Variants in ADA2 observed in about 807,000 individuals in gnomAD.
ADA2 encodes the protein adenosine deaminase CECR1.
Under a neutral mutation model 44.2 loss-of-function variants are expected in ADA2, and 29 were observed. The observed-to-expected ratio is 0.66, with a 90% CI of 0.49 to 0.89. The LOEUF (loss-of-function observed/expected upper bound fraction) is 0.89, where lower values mean the gene tolerates loss of function less well. Ranked by LOEUF, ADA2 falls within the 40% of genes least tolerant of loss-of-function variation. ADA2 has a pLI of 0.00. For synonymous variants in ADA2, 215 were observed against 234.9 expected, an observed-to-expected ratio of 0.92 and a Z score of 0.77; for missense variants, 637 against 644.8, an observed-to-expected ratio of 0.99 and a Z score of 0.13.
chr22:17,202,719 C>T (rs1045435541), intron 4 of ADA2, among the ~76,000 whole-genome samples: 2 of 152,110 alleles, frequency 1.3e-5, no homozygotes, highest in Admixed American at 6.6e-5. Flanking sequence ...ATCAGCCAAA[C>T]CTGGCTCCAA....
chr22:17,219,597 C>T (rs2062505848), upstream of ADA2: 1 of 146,292 alleles, frequency 6.8e-6, no homozygotes, highest in African/African-American at 2.5e-5. Context: ...ATGTGGGGGG[C>T]TTGTGCGCAT....
upstream of ADA2, chr22:17,219,659 GGGTTTGTTTTTTTTTTTT>G (rs1204530507): frequency 2.4e-5 from 3 of 123,142 alleles, no homozygotes; most frequent in African/African-American, 5.6e-5. Flanking sequence ...TGTGCATGTG[GGGTTTGTTTTTTTTTTTT>G]TTTTTTTTTT....
Position 17,211,938 on chromosome 22 carries a change from A to G in ADA2, c.-46-2215T>C, listed in dbSNP as rs532611932. ...TGAGACTCCGTCTCAAAAAAAGAGG[A>G]AAAAAAAATTAATTAATTAATTAAT... is the stretch of plus-strand genomic sequence containing the variant. On this transcript the variant is annotated intron_variant, in intron 1 of 9. Coordinates refer to ENST00000399837, the MANE Select transcript of ADA2 (RefSeq NM_001282225.2). Among the ~76,000 whole-genome samples, 7 of 151,674 alleles carry G rather than the reference A, an allele frequency of 4.6e-5. No individual in the cohort carries two copies. The South Asian group carries it at 1.3e-3, about 27-fold the overall frequency.
chr22:17,188,116 A>G (rs2062060057), intron 7 of ADA2, among the ~76,000 whole-genome samples: 1 of 151,890 alleles, frequency 6.6e-6, no homozygotes. Flanking sequence ...AGAAAACAGG[A>G]AGGAAAGAAG....
At chr22:17,210,486 G>A (rs560807190) in intron 1 of ADA2, among the ~76,000 whole-genome samples, 5 of 150,664 alleles carry the variant, frequency 3.3e-5, no homozygotes, top group East Asian at 2.0e-4. Flanking sequence ...CACCGCGCCC[G>A]GCAGGTTTTC....
At chr22:17,191,605 C>A (rs1342164869) in intron 5 of ADA2, 78 bp downstream of exon 5, 9 of 1,497,462 alleles carry the variant, frequency 6.0e-6, no homozygotes, top group Non-Finnish European at 8.2e-6. Flanking sequence ...CCGCTTCTCA[C>A]CCCTCCCCTC....
At chr22:17,188,235 G>A in intron 7 of ADA2, 104 bp downstream of exon 7, 1 of 720,920 alleles carries the variant, frequency 1.4e-6, no homozygotes, top group Non-Finnish European at 2.4e-6. Flanking sequence ...ACAGGAAAGG[G>A]CTCTGGAAAC....
rs140782682 is a variant in ADA2, at chr22:17,205,760, C to T, written c.542+1311G>A. Among the ~76,000 whole-genome samples the T allele has an allele frequency of 1.3e-3, 192 of 152,318 alleles. 1 individual carries two copies. Among genetic ancestry groups the T allele is most frequent in the African/African-American group, 4.4e-3 (185 of 41,576 alleles). The stretch of plus-strand genomic sequence containing the variant: ...TTGGGAGGCCAAGGTGAGAGGACGG[C>T]TTGAGCCGCAGAGTTCAAGACCAGC... On this transcript the variant is annotated intron_variant, in intron 3 of 9. Coordinates refer to ENST00000399837, the MANE Select transcript of ADA2 (RefSeq NM_001282225.2).
chr22:17,195,212 T>A (rs5992638), intron 4 of ADA2, among the ~76,000 whole-genome samples: 73,934 of 152,058 alleles, frequency 0.49, 18,678 homozygotes, highest in East Asian at 0.74. Flanking sequence ...GGCCTGCATC[T>A]ATCTGTGCAC....
At chr22:17,206,323 G>C (rs1300403406) in intron 3 of ADA2, among the ~76,000 whole-genome samples, 1 of 152,066 alleles carries the variant, frequency 6.6e-6, no homozygotes, top group African/African-American at 2.4e-5. Flanking sequence ...CAGGCATGGT[G>C]GCACATGTCT....
intron 8 of ADA2, among the ~76,000 whole-genome samples, chr22:17,182,238 G>T (rs1353290005): frequency 6.6e-6 from 1 of 152,080 alleles, no homozygotes; most frequent in Non-Finnish European, 1.5e-5. Flanking sequence ...GCAAACATCG[G>T]GTCACTTCTG....
chr22:17,202,924 A>G (rs2062308379), intron 4 of ADA2, among the ~76,000 whole-genome samples: 4 of 151,910 alleles, frequency 2.6e-5, no homozygotes, highest in Admixed American at 6.6e-5. Context: ...CTGGGACTAC[A>G]GGCTCATGCC....
chr22:17,220,000 G>A (rs1435562657), upstream of ADA2, among the ~76,000 whole-genome samples: 1 of 152,096 alleles, frequency 6.6e-6, no homozygotes, highest in East Asian at 1.9e-4. Flanking sequence ...TTGTGTTGGA[G>A]GGAGGGTGTG....
intron 1 of ADA2, chr22:17,214,069 A>G: frequency 1.7e-6 from 1 of 576,560 alleles, no homozygotes; most frequent in Non-Finnish European, 3.2e-6. Context: ...AATAGCATCC[A>G]AAACCCACAA....
At chr22:17,208,316 C>T (rs764650371) in intron 2 of ADA2, among the ~76,000 whole-genome samples, 45 of 150,442 alleles carry the variant, frequency 3.0e-4, no homozygotes, top group South Asian at 6.3e-4. Flanking sequence ...CCCAGCTACT[C>T]GGGAGGCTGA....
rs1281063547 is a variant in ADA2, at chr22:17,202,387, A to C, written c.753+1176T>G. Reference sequence around the variant, plus strand: ...GTGATCCGCCTGCCTCAGCCTCCCGAGTGCTGAGATTACAGGCATGAGCCA... The same window carrying C: ...GTGATCCGCCTGCCTCAGCCTCCCGCGTGCTGAGATTACAGGCATGAGCCA... On this transcript the variant is annotated intron_variant, in intron 4 of 9. Transcript: ENST00000399837. Among the ~76,000 whole-genome samples, 3 of 152,088 alleles carry C rather than the reference A, an allele frequency of 2.0e-5. No individual in the cohort carries two copies. In the East Asian group the frequency reaches 5.8e-4, roughly 29 times the overall value.
rs766367978 is a variant in ADA2 at position 17,209,652 on chromosome 22, C to T, written c.26G>A (p.Arg9Gln). Residue 9 changes from arginine (R) to glutamine (Q), a missense_variant, in exon 2 of 10, where the codon CGG (arginine) becomes CAG (glutamine). Physicochemically the swap from Arg to Gln is conservative, Grantham distance 43 (BLOSUM62 1). Transcript: ENST00000399837. MLVDGPSE[R>Q]PALCFLLLAV... ...CAACAGCAAGAAGCACAGGGCTGGC[C>T]GCTCAGATGGGCCATCCACCAACAT... The T allele has an allele frequency of 3.3e-5, 54 of 1,613,180 alleles. 1 individual carries two copies. The South Asian group carries it at 4.6e-4, about 14-fold the overall frequency.
rs781131295 is a variant in ADA2, at chr22:17,203,690, G to T, written c.626C>A (p.Thr209Asn). Reference protein sequence around the residue: ...NQNVVWSKFETIFFTISGLIH... With the variant: ...NQNVVWSKFENIFFTISGLIH... ...GAGACCAGAGATGGTGAAGAAGATG[G>T]TTTCAAATTTCGACCAGACAACATT... The change falls in exon 4 of 10, where the codon ACC (threonine) becomes AAC (asparagine). Residue 209 changes from threonine to asparagine, a missense_variant. Transcript: ENST00000399837. 5 of 1,614,086 alleles carry T rather than the reference G, an allele frequency of 3.1e-6. No individual in the cohort carries two copies. The highest frequency in any genetic ancestry group is 4.2e-6 in the Non-Finnish European group (5 of 1,179,940).
At chr22:17,208,474 G>A (rs1232727670) in intron 2 of ADA2, among the ~76,000 whole-genome samples, 2 of 146,710 alleles carry the variant, frequency 1.4e-5, no homozygotes, top group Non-Finnish European at 1.5e-5. Context: ...TTAAGTCTTT[G>A]TAAACTGCAA....
Sources: gnomAD v4.1 joint callset for allele counts (sites outside exome capture counted in the v4.1 genomes callset) on GRCh38, gnomAD v4.1.1 for gene constraint, MANE v1.5 for transcripts, NCBI Gene and HGNC (gene_info 2026-07-23, HGNC 2026-07-21) for gene names.